MYT1L: variants seen among roughly 807,000 people sequenced by gnomAD.
MYT1L encodes the protein myelin transcription factor 1 like.
A neutral mutation model predicts 126.7 loss-of-function variants in MYT1L; 12 were observed. The ratio of observed to expected loss-of-function variants is 0.09; its 90% CI spans 0.06 to 0.15. The LOEUF is 0.15. Ranked by LOEUF, MYT1L falls within the 10% of genes least tolerant of loss-of-function variation. The probability of loss-of-function intolerance (pLI) is 1.00; values close to 1 mark genes in which losing one functional copy is unlikely to be tolerated. For synonymous variants in MYT1L, 541 were observed against 604.2 expected (o/e 0.90, Z 1.53); for missense variants, 979 against 1,585.2 (o/e 0.62, Z 6.49).
intron 2 of MYT1L, among the ~76,000 whole-genome samples, chr2:2,207,171 A>T (rs1335159837): frequency 1.3e-5 from 2 of 152,236 alleles, no homozygotes; most frequent in Non-Finnish European, 2.9e-5. Context: ...TCCCCCAGGT[A>T]CAATGGTTTA....
chr2:1,963,485 C>T (rs1388654382), intron 8 of MYT1L, among the ~76,000 whole-genome samples: 1 of 152,152 alleles, frequency 6.6e-6, no homozygotes, highest in Non-Finnish European at 1.5e-5. Flanking sequence ...AGCTTTGAAC[C>T]CAGATATTGA....
rs1019527994 is a variant in MYT1L, at chr2:2,228,956, A to G, written c.-421+55448T>C. Among the ~76,000 whole-genome samples, 9 of 152,262 alleles carry G rather than the reference A, an allele frequency of 5.9e-5. No individual in the cohort carries two copies. In the East Asian group the frequency reaches 1.7e-3, roughly 30 times the overall value. On this transcript the variant is annotated intron_variant, in intron 2 of 24. Transcript: ENST00000647738. The surrounding 1 kb of genome is among the most constrained non-coding windows in gnomAD (Gnocchi z 5.9). The stretch of plus-strand genomic sequence containing the variant: ...AGTAGAGAAGGATATGAAGTGAAAC[A>G]CGGGGGTCTTCCAACGTATCCAGCT...
chr2:2,271,062 T>C (rs138225515), intron 2 of MYT1L, among the ~76,000 whole-genome samples: 31 of 152,344 alleles, frequency 2.0e-4, no homozygotes, highest in Middle Eastern at 3.4e-3. Flanking sequence ...CCCGTGTCTG[T>C]GTGTGTACAC....
In MYT1L at chr2:2,180,858, CTG is replaced by C. The variant is rs528126446; in HGVS notation, c.-420-7872_-420-7871del. 5.4e-4 allele frequency among the ~76,000 whole-genome samples: 81 copies of C among 150,128 alleles called. No homozygotes were observed. In the South Asian group the frequency reaches 0.013, roughly 24 times the overall value. On this transcript the variant is annotated intron_variant, in intron 2 of 24. Transcript: ENST00000647738. ...CACCTATATCTGTACCTGTGTATGC[CTG>C]TGTGTGCACCTGTATCCGTACCTGT... is the stretch of plus-strand genomic sequence containing the variant.
intron 4 of MYT1L, among the ~76,000 whole-genome samples, chr2:2,005,468 G>GCC (rs2063173806): frequency 7.2e-6 from 1 of 139,548 alleles, no homozygotes; most frequent in African/African-American, 2.7e-5. Flanking sequence ...TCCTGCATGT[G>GCC]TTCTTTCCTG....
intron 2 of MYT1L, among the ~76,000 whole-genome samples, chr2:2,263,059 A>G (rs1342413285): frequency 6.7e-6 from 1 of 149,586 alleles, no homozygotes; most frequent in Non-Finnish European, 1.5e-5. Flanking sequence ...CACAAACAAA[A>G]TTTCCAGATA....
chr2:2,180,662 C>G (rs1559248864), intron 2 of MYT1L, among the ~76,000 whole-genome samples: 1 of 150,392 alleles, frequency 6.6e-6, no homozygotes, highest in African/African-American at 2.5e-5. Context: ...CTGTGTATGC[C>G]TGTGTGTGCA....
At chr2:2,191,446 G>A (rs1327399255) in intron 2 of MYT1L, among the ~76,000 whole-genome samples, 1 of 152,204 alleles carries the variant, frequency 6.6e-6, no homozygotes, top group African/African-American at 2.4e-5. Context: ...TTAAAAATCT[G>A]ACTCGGAGTA....
chr2:2,217,691 C>CAAA lies in MYT1L; in HGVS notation c.-420-44704_-420-44703insTTT, dbSNP rs1375307498. Among the ~76,000 whole-genome samples the CAAA allele has an allele frequency of 5.7e-5, 4 of 70,538 alleles. 1 individual carries two copies. The highest frequency in any genetic ancestry group is 1.5e-4 in the African/African-American group (2 of 13,250). 46.3% of individuals were successfully genotyped at this position (70,538 alleles called of 152,430 possible). On this transcript the variant is annotated intron_variant, in intron 2 of 24. Transcript: ENST00000647738. Reference sequence around the variant, plus strand: ...ATCTCAACAACAACAACAACAACAACAACAACAACAACAACAAAAAAAAAA... The same window carrying CAAA: ...ATCTCAACAACAACAACAACAACAACAAAAACAACAACAACAACAAAAAAAAAA...
At chr2:1,988,814 C>A (rs2061250668) in intron 5 of MYT1L, among the ~76,000 whole-genome samples, 1 of 152,204 alleles carries the variant, frequency 6.6e-6, no homozygotes, top group African/African-American at 2.4e-5. Flanking sequence ...CAGGCATGAG[C>A]CACTGCGCCT....
chr2:1,850,159 C>T (rs572398087), intron 19 of MYT1L, among the ~76,000 whole-genome samples: 17 of 133,456 alleles, frequency 1.3e-4, no homozygotes, highest in Non-Finnish European at 1.9e-4. Context: ...CCTTCCCCTT[C>T]CCTTCCCTTC....
intron 2 of MYT1L, among the ~76,000 whole-genome samples, chr2:2,269,134 C>T (rs902014198): frequency 3.3e-5 from 5 of 152,196 alleles, no homozygotes. Context: ...TATCGCTCAA[C>T]ACTTTCTAAA....
chr2:1,911,731 G>A (rs75524508), intron 12 of MYT1L, among the ~76,000 whole-genome samples: 1 of 152,286 alleles, frequency 6.6e-6, no homozygotes, highest in East Asian at 1.9e-4. Flanking sequence ...TCTTCACCTC[G>A]GAGGACAGCG....
chr2:1,898,833 G>C (rs915677141), intron 14 of MYT1L, among the ~76,000 whole-genome samples: 1 of 152,216 alleles, frequency 6.6e-6, no homozygotes, highest in African/African-American at 2.4e-5. Flanking sequence ...AGCTCTGCAG[G>C]CGGGCGTGGT....
At chr2:1,898,072 C>T (rs1376001912) in intron 14 of MYT1L, among the ~76,000 whole-genome samples, 1 of 152,150 alleles carries the variant, frequency 6.6e-6, no homozygotes, top group South Asian at 2.1e-4. Flanking sequence ...CAGGTAGGAC[C>T]TTTTCATTCA....
chr2:2,119,484 CTGAAT>C (rs1559066571), intron 3 of MYT1L, among the ~76,000 whole-genome samples: 1 of 152,172 alleles, frequency 6.6e-6, no homozygotes, highest in African/African-American at 2.4e-5. Flanking sequence ...ATGCAGACTA[CTGAAT>C]TAAGTATTTG....
At chr2:1,834,198 T>G (rs1052966210) in intron 21 of MYT1L, among the ~76,000 whole-genome samples, 7 of 152,232 alleles carry the variant, frequency 4.6e-5, no homozygotes, top group Admixed American at 3.9e-4. Flanking sequence ...GTGGGTGGGA[T>G]GCACAGGGGC....
At chr2:2,219,084 A>G (rs1260010620) in intron 2 of MYT1L, among the ~76,000 whole-genome samples, 1 of 152,214 alleles carries the variant, frequency 6.6e-6, no homozygotes, top group African/African-American at 2.4e-5. Flanking sequence ...TTGAGTCAAG[A>G]GGATGTTGTC....
intron 3 of MYT1L, among the ~76,000 whole-genome samples, chr2:2,081,424 T>C (rs1338772834): frequency 2.0e-5 from 3 of 152,178 alleles, no homozygotes; most frequent in Admixed American, 6.5e-5. Flanking sequence ...CTTGACCAAA[T>C]TGCTTTCTCA....
Sources: gnomAD v4.1 joint callset for allele counts (sites outside exome capture counted in the v4.1 genomes callset) on GRCh38, gnomAD v4.1.1 for gene constraint, Gnocchi (gnomAD v3.1) non-coding constraint, MANE v1.5 for transcripts, NCBI Gene and HGNC (gene_info 2026-07-23, HGNC 2026-07-21) for gene names.